LGR6: variants seen among roughly 807,000 people sequenced by gnomAD.
The protein encoded by LGR6 is leucine rich repeat containing G protein-coupled receptor 6.
In LGR6, 45 loss-of-function variants were observed where a neutral mutation model predicts 69.4. The observed-to-expected ratio is 0.65, with a 90% CI of 0.51 to 0.83. The LOEUF is 0.83. LGR6 is among the 40% of genes least tolerant of loss of function. LGR6 has a pLI of 0.00. For missense variants in LGR6, 1,108 were observed against 1,246.7 expected, an observed-to-expected ratio of 0.89 and a Z score of 1.68; for synonymous variants, 538 against 555.0, an observed-to-expected ratio of 0.97 and a Z score of 0.43.
chr1:202,304,690 A>G, intron 11 of LGR6, 60 bp downstream of exon 11: 2 of 1,347,192 alleles, frequency 1.5e-6, no homozygotes, highest in Non-Finnish European at 2.1e-6. Context: ...ATGTCCCACA[A>G]AAGGCCTCTC....
chr1:202,302,550 T>C (rs1461530153), intron 9 of LGR6, among the ~76,000 whole-genome samples: 1 of 151,962 alleles, frequency 6.6e-6, no homozygotes, highest in Non-Finnish European at 1.5e-5. Context: ...GTTCTCTTTT[T>C]TCTTTTTTCT....
intron 7 of LGR6, 87 bp from the exon 8 acceptor site, chr1:202,300,762 G>A (rs926249526): frequency 2.3e-6 from 2 of 868,144 alleles, no homozygotes; most frequent in African/African-American, 1.7e-5. Flanking sequence ...TGTCTAGCTT[G>A]CTGTCCAAAA....
chr1:202,209,036 G>C, intron 1 of LGR6, among the ~76,000 whole-genome samples: 1 of 152,160 alleles, frequency 6.6e-6, no homozygotes, highest in East Asian at 1.9e-4. Context: ...GGCAGATCAA[G>C]TCATTACACC....
rs1209636411 is a variant in LGR6, at chr1:202,306,860, T to A, written c.1137-8T>A. On this transcript the variant is annotated splice_polypyrimidine_tract_variant and splice_region_variant and intron_variant, in intron 12 of 17. Transcript: ENST00000367278. ...TGCCGGCTCATCCAGCCTCTCTTGC[T>A]GCCCTAGCGGCCTCCAACACAACCG... 1.2e-6 allele frequency: 2 copies of A among 1,613,852 alleles called. No homozygotes were observed. The highest frequency in any genetic ancestry group is 1.7e-6 in the Non-Finnish European group (2 of 1,179,934).
At chr1:202,300,347 G>A (rs1169914734) in intron 7 of LGR6, among the ~76,000 whole-genome samples, 1 of 152,048 alleles carries the variant, frequency 6.6e-6, no homozygotes, top group African/African-American at 2.4e-5. Context: ...AAAAGAGGGT[G>A]TGTAATTGAA....
chr1:202,204,079 T>G lies in LGR6; in HGVS notation c.212+9878T>G, dbSNP rs557248916. Among the ~76,000 whole-genome samples the G allele has an allele frequency of 6.7e-4, 102 of 152,178 alleles. No individual in the cohort carries two copies. The Middle Eastern group carries it at 0.014, about 20-fold the overall frequency. The stretch of plus-strand genomic sequence containing the variant: ...GGTTCCTTGTGGACAGGAGCTGTGT[T>G]TCTTTGCATCAGGAGAGGGGAACTC... On this transcript the variant is annotated intron_variant, in intron 1 of 17. Coordinates refer to ENST00000367278, the MANE Select transcript of LGR6 (RefSeq NM_001017403.2).
At chr1:202,218,786 G>T (rs780680551) in intron 1 of LGR6, among the ~76,000 whole-genome samples, 8 of 152,186 alleles carry the variant, frequency 5.3e-5, no homozygotes, top group Non-Finnish European at 8.8e-5. Flanking sequence ...CTGAGTGTCT[G>T]TTGTACTCTC....
At position 202,236,148 on chromosome 1, in the gene LGR6, C is replaced by T. The variant is rs1035522594; in HGVS notation, c.428+155C>T. Reference sequence around the variant, plus strand: ...ATGCCGCTCCTGGCTTTGGTTTCTCCGGGGTTTTCTGTTGTCATCAGTGTG... The same window carrying T: ...ATGCCGCTCCTGGCTTTGGTTTCTCTGGGGTTTTCTGTTGTCATCAGTGTG... On this transcript the variant is annotated intron_variant, in intron 4 of 17. Coordinates refer to ENST00000367278, the MANE Select transcript of LGR6 (RefSeq NM_001017403.2). 46 of 642,102 alleles carry T rather than the reference C, an allele frequency of 7.2e-5. No individual in the cohort carries two copies. In the East Asian group the frequency reaches 9.0e-4, roughly 13 times the overall value. 39.8% of individuals were successfully genotyped at this position (642,102 alleles called of 1,614,324 possible).
At chr1:202,225,712 C>T (rs560411386) in intron 2 of LGR6, among the ~76,000 whole-genome samples, 3 of 74,950 alleles carry the variant, frequency 4.0e-5, no homozygotes, top group South Asian at 7.4e-4. Flanking sequence ...AGCTTTCATT[C>T]CTCTTTGAAA....
chr1:202,308,921 A>T, intron 14 of LGR6, 130 bp from the exon 15 acceptor site: 1 of 1,123,644 alleles, frequency 8.9e-7, no homozygotes, highest in Admixed American at 2.3e-5. Flanking sequence ...CTCTCTTCTA[A>T]GCTTCTCTCC....
intron 4 of LGR6, among the ~76,000 whole-genome samples, chr1:202,239,381 GT>G (rs1661967263): frequency 7.4e-6 from 1 of 135,484 alleles, no homozygotes; most frequent in Non-Finnish European, 1.6e-5. Flanking sequence ...GTGTGTGTGT[GT>G]GTGGTGTGTT....
At chr1:202,306,984 T>G (rs1653274067) in intron 13 of LGR6, 45 bp downstream of exon 13, 2 of 1,509,484 alleles carry the variant, frequency 1.3e-6, no homozygotes, top group Admixed American at 1.7e-5. Context: ...AGCCACCGTG[T>G]CCCTCTGCTA....
chr1:202,314,652 A>G, intron 16 of LGR6, 150 bp from the exon 17 acceptor site: 2 of 629,932 alleles, frequency 3.2e-6, no homozygotes, highest in Non-Finnish European at 5.9e-6. Context: ...TTTACCCCCA[A>G]GGGTAGAAAT....
chr1:202,217,405 GTC>G (rs1417983469), intron 1 of LGR6, among the ~76,000 whole-genome samples: 2 of 152,164 alleles, frequency 1.3e-5, no homozygotes, highest in African/African-American at 4.8e-5. Context: ...GCAGTGGACA[GTC>G]TCTGACTTCT....
intron 1 of LGR6, among the ~76,000 whole-genome samples, chr1:202,206,897 A>G (rs1022878279): frequency 6.6e-5 from 2 of 30,278 alleles, no homozygotes; most frequent in African/African-American, 1.8e-4. Flanking sequence ...TATTTTATTT[A>G]TTTATTTATT....
At chr1:202,303,458 C>A in intron 10 of LGR6, 111 bp downstream of exon 10, 1 of 820,510 alleles carries the variant, frequency 1.2e-6, no homozygotes, top group Non-Finnish European at 2.1e-6. Context: ...CCCTTTTATC[C>A]AGCCTGTCTC....
At position 202,301,052 on chromosome 1, in the gene LGR6, T is replaced by C. The variant is rs956689638; in HGVS notation, c.858-112T>C. On this transcript the variant is annotated intron_variant, in intron 8 of 17. Transcript: ENST00000367278. ...AAGTATGGGAGGGGTTGCCTTTCCCTGCATGTTCTTTCCTGGGTCTACATT... is the reference window on the plus strand; with the variant it reads ...AAGTATGGGAGGGGTTGCCTTTCCCCGCATGTTCTTTCCTGGGTCTACATT... 2.0e-5 allele frequency: 27 copies of C among 1,332,686 alleles called. 1 individual carries two copies. The South Asian group carries it at 2.4e-4, about 12-fold the overall frequency. The allele number at this position is 1,332,686 out of a possible 1,614,324, so 82.6% of individuals were successfully genotyped here.
At chr1:202,223,987 A>C (rs985380480) in intron 1 of LGR6, among the ~76,000 whole-genome samples, 2 of 151,842 alleles carry the variant, frequency 1.3e-5, no homozygotes, top group Non-Finnish European at 2.9e-5. Context: ...GCATTAGCTC[A>C]CTTAATCTTT....
chr1:202,216,544 T>G (rs1659795598), intron 1 of LGR6, among the ~76,000 whole-genome samples: 1 of 152,250 alleles, frequency 6.6e-6, no homozygotes, highest in African/African-American at 2.4e-5. Flanking sequence ...ATTTTAAATT[T>G]AATTTTAATG....
Sources: allele counts gnomAD v4.1 joint callset (sites outside exome capture counted in the v4.1 genomes callset), GRCh38; gene constraint gnomAD v4.1.1; transcripts MANE v1.5; gene names NCBI Gene and HGNC (gene_info 2026-07-23, HGNC 2026-07-21).